Variants in TNN observed in about 807,000 individuals in gnomAD.
TNN encodes the protein tenascin N, also known as tenascin-N.
Under a neutral mutation model 134.4 loss-of-function variants are expected in TNN, and 122 were observed. That is an observed-to-expected ratio of 0.91 (90% CI 0.78 to 1.06). The LOEUF is 1.06. Ranked by LOEUF, TNN falls within the 50% of genes least tolerant of loss-of-function variation. The pLI is 0.00. For missense variants in TNN, 1,739 were observed against 1,699.4 expected, an observed-to-expected ratio of 1.02 and a Z score of -0.41; for synonymous variants, 710 against 670.3, an observed-to-expected ratio of 1.06 and a Z score of -0.91.
At chr1:175,132,237 GA>G (rs1675694175) in intron 15 of TNN, among the ~76,000 whole-genome samples, 1 of 152,130 alleles carries the variant, frequency 6.6e-6, no homozygotes, top group African/African-American at 2.4e-5. Flanking sequence ...TTCGATTTGG[GA>G]AACAGATTCA....
Position 175,117,153 on chromosome 1 carries a change from G to A in TNN, c.2334G>A (p.Trp778Ter), listed in dbSNP as rs1415924914. The A allele has an allele frequency of 6.2e-7, 1 of 1,614,258 alleles. No individual in the cohort carries two copies. Among genetic ancestry groups the A allele is most frequent in the Non-Finnish European group, 8.5e-7 (1 of 1,180,048 alleles). The change falls in exon 10 of 19, where the codon TGG (tryptophan) becomes TGA (stop). Residue 778 changes from tryptophan to a stop codon, truncating the protein, a stop_gained. Transcript: ENST00000239462. LOFTEE classifies it high-confidence loss of function. Reference sequence around the variant, plus strand: ...GTGTGGAGTACACGGTGCACGTGTGGGCCCAGAAGGGGGCCCAGGAGAGCA... The same window carrying A: ...GTGTGGAGTACACGGTGCACGTGTGAGCCCAGAAGGGGGCCCAGGAGAGCA... ...RPGVEYTVHVWAQKGAQESKK... is the reference protein window; with the variant it reads ...RPGVEYTVHV
At chr1:175,119,217 G>C (rs999349345) in intron 11 of TNN, among the ~76,000 whole-genome samples, 1 of 152,196 alleles carries the variant, frequency 6.6e-6, no homozygotes, top group African/African-American at 2.4e-5. Flanking sequence ...CATTTTTATG[G>C]TTATTTCTTG....
Position 175,123,528 on chromosome 1 carries a change from AG to A in TNN, c.2782del (p.Glu928ArgfsTer13), listed in dbSNP as rs748492512. Reference sequence around the variant, plus strand: ...CTACACCTCTGCTGACGGAGAGACCAGGGAGGTTCCGGTGGGGAAGGAGCAC... The same window carrying A: ...CTACACCTCTGCTGACGGAGAGACCAGGAGGTTCCGGTGGGGAAGGAGCAC... ...VRYTSADGET[R>X]EVPVGKEHSS... is the part of the protein sequence containing the mutation. On this transcript the variant is annotated frameshift_variant, in exon 12 of 19. Transcript: ENST00000239462. LOFTEE classifies it high-confidence loss of function. 142 of 1,614,102 alleles carry A rather than the reference AG, an allele frequency of 8.8e-5. No individual in the cohort carries two copies. The highest frequency in any genetic ancestry group is 1.1e-4 in the Non-Finnish European group (133 of 1,179,932).
chr1:175,119,873 C>G (rs759946812), intron 11 of TNN, among the ~76,000 whole-genome samples: 3 of 152,062 alleles, frequency 2.0e-5, no homozygotes, highest in Non-Finnish European at 4.4e-5. Flanking sequence ...CTCCTGACCT[C>G]GTGATCCGCC....
Position 175,080,176 on chromosome 1 carries a change from G to T in TNN, c.798G>T (p.Gln266His). The T allele has an allele frequency of 6.2e-7, 1 of 1,613,902 alleles. No homozygotes were observed. Among genetic ancestry groups the T allele is most frequent in the Middle Eastern group, 1.7e-4 (1 of 5,986 alleles). ...TTCTGCCTGCAGTGGTCACCCCACA[G>T]GGCCTGCAGCTGCTCAAGAACACGG... ...GLDCAQVVTP[Q>H]GLQLLKNTED... The change falls in exon 4 of 19, where the codon CAG (glutamine) becomes CAT (histidine). Residue 266 changes from glutamine (Q) to histidine (H), a missense_variant. Coordinates refer to ENST00000239462, the MANE Select transcript of TNN (RefSeq NM_022093.2).
Position 175,126,995 on chromosome 1 carries a change from G to T in TNN, c.2955G>T (p.Thr985=). 6.2e-7 allele frequency: 1 copy of T among 1,613,994 alleles called. No homozygotes were observed. The change falls in exon 13 of 19, where the codon ACG becomes ACT. Residue 985 remains threonine, a synonymous_variant. Transcript: ENST00000239462. ...GAAACCTTCGTCCATCTGCTGTAAC[G>T]CAGTCTGGTGGCATATTGACCTGGA... The part of the protein sequence containing the change: ...PPRNLRPSAV[T]QSGGILTWTP...
chr1:175,145,580 T>C (rs1676045281), intron 18 of TNN, among the ~76,000 whole-genome samples: 1 of 44,070 alleles, frequency 2.3e-5, no homozygotes, highest in South Asian at 6.4e-4. Context: ...AAAAAAGCTG[T>C]CTCAAGTCCT....
chr1:175,116,913 C>T (rs1558364822), intron 9 of TNN, 26 bp from the exon 10 acceptor site: 1 of 1,614,186 alleles, frequency 6.2e-7, no homozygotes, highest in East Asian at 2.2e-5. Flanking sequence ...TCATAGTGTT[C>T]ATTGATCAGC....
At position 175,135,561 on chromosome 1, in the gene TNN, A is replaced by G. The variant is rs545669723; in HGVS notation, c.3331-284A>G. The stretch of plus-strand genomic sequence containing the variant: ...TATCTTGCCCTAGACAACCCACACT[A>G]GCAACTGAATCACACAACTAATGGA... On this transcript the variant is annotated intron_variant, in intron 15 of 18. Transcript: ENST00000239462. Among the ~76,000 whole-genome samples the G allele has an allele frequency of 2.6e-5, 4 of 152,366 alleles. No homozygotes were observed. The East Asian group carries it at 5.8e-4, about 22-fold the overall frequency.
At position 175,147,284 on chromosome 1, in the gene TNN, T is replaced by C; in HGVS notation, c.*213T>C. On this transcript the variant is annotated 3_prime_UTR_variant, in exon 19 of 19. Transcript: ENST00000239462. The stretch of plus-strand genomic sequence containing the variant: ...AAATCAAAATAGTAGTTGCACAGTA[T>C]GTGTAGGAAAGACAGTACTGGAACG... 2.3e-6 allele frequency: 1 copy of C among 425,822 alleles called. No homozygotes were observed. Among genetic ancestry groups the C allele is most frequent in the Non-Finnish European group, 4.1e-6 (1 of 245,438 alleles). 26.4% of individuals were successfully genotyped at this position (425,822 alleles called of 1,614,324 possible).
At chr1:175,089,809 T>C (rs1452985681) in intron 6 of TNN, among the ~76,000 whole-genome samples, 1 of 152,236 alleles carries the variant, frequency 6.6e-6, no homozygotes, top group East Asian at 1.9e-4. Flanking sequence ...CCTTAGACTA[T>C]GCTGTGAAAT....
intron 1 of TNN, among the ~76,000 whole-genome samples, chr1:175,074,423 T>C (rs752016738): frequency 6.1e-5 from 9 of 147,426 alleles, no homozygotes; most frequent in Non-Finnish European, 1.3e-4. Context: ...AGGTGGACAT[T>C]GCAGTGAGCC....
chr1:175,105,499 A>T (rs1674827504), intron 9 of TNN, among the ~76,000 whole-genome samples: 1 of 145,506 alleles, frequency 6.9e-6, no homozygotes, highest in Admixed American at 6.9e-5. Flanking sequence ...CTCCTGTGGG[A>T]TGTAAATTGC....
intron 15 of TNN, among the ~76,000 whole-genome samples, chr1:175,133,454 T>A (rs1371371556): frequency 6.6e-6 from 1 of 152,224 alleles, no homozygotes; most frequent in East Asian, 1.9e-4. Context: ...TAGGGATGGT[T>A]TTGGCCTCCT....
chr1:175,080,096 A>C, intron 3 of TNN, 67 bp from the exon 4 acceptor site: 1 of 1,585,436 alleles, frequency 6.3e-7, no homozygotes, highest in Admixed American at 1.7e-5. Flanking sequence ...GTGCTCAGGG[A>C]ATACTCACTG....
chr1:175,123,159 G>A (rs541932625), intron 11 of TNN, among the ~76,000 whole-genome samples: 1 of 152,270 alleles, frequency 6.6e-6, no homozygotes, highest in Non-Finnish European at 1.5e-5. Flanking sequence ...TTATTTTGAT[G>A]AGAATTACAA....
Position 175,079,395 on chromosome 1 carries a change from G to A in TNN, c.472G>A (p.Glu158Lys), listed in dbSNP as rs755253081. ...FSLETCSCHCEEGREGPACER... is the reference protein window; with the variant it reads ...FSLETCSCHCKEGREGPACER... ...CCTGGAGACCTGCAGCTGCCACTGC[G>A]AAGAGGGCAGGGAGGGCCCCGCCTG... The change falls in exon 3 of 19, where the codon GAA (glutamate) becomes AAA (lysine). Residue 158 changes from glutamate to lysine, a missense_variant. By Grantham distance (56) the Glu-to-Lys change is moderately conservative. Transcript: ENST00000239462. 1.3e-6 allele frequency: 2 copies of A among 1,598,830 alleles called. No homozygotes were observed. The highest frequency in any genetic ancestry group is 2.7e-5 in the African/African-American group (2 of 74,632).
In TNN at chr1:175,118,629, C is replaced by A. The variant is rs773612063; in HGVS notation, c.2455C>A (p.Pro819Thr). Residue 819 changes from proline to threonine, a missense_variant, in exon 11 of 19, where the codon CCG (proline) becomes ACG (threonine). Coordinates refer to ENST00000239462, the MANE Select transcript of TNN (RefSeq NM_022093.2). ...TENTATVSWDPVQATIDRYVV... is the reference protein window; with the variant it reads ...TENTATVSWDTVQATIDRYVV... ...GAATACAGCCACTGTCTCCTGGGAC[C>A]CGGTGCAGGCCACCATTGACAGGTA... is the stretch of plus-strand genomic sequence containing the variant. The A allele has an allele frequency of 1.9e-6, 3 of 1,614,182 alleles. No homozygotes were observed. The highest frequency in any genetic ancestry group is 2.5e-6 in the Non-Finnish European group (3 of 1,180,028).
At chr1:175,113,975 A>C (rs1675102659) in intron 9 of TNN, among the ~76,000 whole-genome samples, 1 of 152,140 alleles carries the variant, frequency 6.6e-6, no homozygotes, top group Admixed American at 6.5e-5. Flanking sequence ...TTCATCAAAT[A>C]GTCTATCTGT....
Sources: allele counts gnomAD v4.1 joint callset (sites outside exome capture counted in the v4.1 genomes callset), GRCh38; gene constraint gnomAD v4.1.1; transcripts MANE v1.5; gene names NCBI Gene and HGNC (gene_info 2026-07-23, HGNC 2026-07-21).